MACROD2: variants seen among roughly 807,000 people sequenced by gnomAD.
The protein encoded by MACROD2 is mono-ADP ribosylhydrolase 2.
In MACROD2, 36 loss-of-function variants were observed where a neutral mutation model predicts 70.4. The observed-to-expected ratio is 0.51, with a 90% confidence interval of 0.39 to 0.68. MACROD2 has a LOEUF of 0.68. Ranked by LOEUF, MACROD2 falls within the 30% of genes least tolerant of loss-of-function variation. The probability of loss-of-function intolerance (pLI) is 0.00; values close to 1 mark genes in which losing one functional copy is unlikely to be tolerated. For synonymous variants in MACROD2, 172 were observed against 178.8 expected, an observed-to-expected ratio of 0.96 and a Z score of 0.30; for missense variants, 496 against 538.4, an observed-to-expected ratio of 0.92 and a Z score of 0.78.
intron 7 of MACROD2, among the ~76,000 whole-genome samples, chr20:15,464,992 C>T (rs989448513): frequency 1.3e-5 from 2 of 152,128 alleles, no homozygotes; most frequent in African/African-American, 2.4e-5. Context: ...TTTTTTTACT[C>T]TCTTTCTACC....
intron 8 of MACROD2, among the ~76,000 whole-genome samples, chr20:15,616,292 C>A (rs1744314440): frequency 6.6e-6 from 1 of 151,890 alleles, no homozygotes; most frequent in South Asian, 2.1e-4. Context: ...TTAGTAGAGA[C>A]AGGGTTTTGC....
intron 2 of MACROD2, among the ~76,000 whole-genome samples, chr20:14,064,981 TGTTTAA>T (rs2053738849): frequency 6.6e-6 from 1 of 152,250 alleles, no homozygotes; most frequent in Non-Finnish European, 1.5e-5. Flanking sequence ...GGTATTTTAC[TGTTTAA>T]GTTTACATAC....
intron 7 of MACROD2, among the ~76,000 whole-genome samples, chr20:15,482,833 T>C (rs1416150132): frequency 1.3e-5 from 2 of 152,214 alleles, no homozygotes; most frequent in African/African-American, 4.8e-5. Flanking sequence ...GTTGAGCATC[T>C]TTACATATGC....
At chr20:14,082,053 C>G (rs2054001595) in intron 2 of MACROD2, among the ~76,000 whole-genome samples, 1 of 152,018 alleles carries the variant, frequency 6.6e-6, no homozygotes, top group African/African-American at 2.4e-5. Flanking sequence ...ACCTCCACTT[C>G]AGTCTCAAAA....
intron 2 of MACROD2, chr20:14,051,928 T>G (rs745490200): frequency 2.1e-5 from 11 of 517,864 alleles, no homozygotes; most frequent in Middle Eastern, 3.2e-4. Flanking sequence ...TCAGGATGCA[T>G]CTCTCATGGT....
intron 4 of MACROD2, among the ~76,000 whole-genome samples, chr20:14,625,504 G>A (rs750746042): frequency 8.5e-5 from 13 of 152,052 alleles, no homozygotes; most frequent in East Asian, 3.9e-4. Context: ...GAAAATGACC[G>A]TAGTCATTGG....
intron 3 of MACROD2, among the ~76,000 whole-genome samples, chr20:14,106,396 G>T (rs1169301142): frequency 6.6e-6 from 1 of 152,182 alleles, no homozygotes; most frequent in Admixed American, 6.5e-5. Flanking sequence ...ATTGGTGTTG[G>T]GGTGGGACCT....
intron 8 of MACROD2, among the ~76,000 whole-genome samples, chr20:15,806,868 A>G (rs2063774023): frequency 6.6e-6 from 1 of 152,138 alleles, no homozygotes; most frequent in African/African-American, 2.4e-5. Context: ...TTGAAAGGAG[A>G]CGTTTAGGAA....
At chr20:15,774,484 C>A (rs2051688163) in intron 8 of MACROD2, among the ~76,000 whole-genome samples, 1 of 152,118 alleles carries the variant, frequency 6.6e-6, no homozygotes, top group African/African-American at 2.4e-5. Context: ...TACTTCTGAA[C>A]ACTTTCTAGA....
chr20:14,477,598 T>A (rs2084611781), intron 3 of MACROD2, among the ~76,000 whole-genome samples: 1 of 152,164 alleles, frequency 6.6e-6, no homozygotes, highest in Non-Finnish European at 1.5e-5. Context: ...AAAAATTGTT[T>A]TCAGAATGAT....
chr20:14,206,029 C>T (rs2081519929), intron 3 of MACROD2, among the ~76,000 whole-genome samples: 1 of 152,036 alleles, frequency 6.6e-6, no homozygotes, highest in African/African-American at 2.4e-5. Flanking sequence ...AAAAGGTAAT[C>T]TGTGTAATGT....
At chr20:14,789,664 C>T (rs1044884362) in intron 5 of MACROD2, among the ~76,000 whole-genome samples, 6 of 150,908 alleles carry the variant, frequency 4.0e-5, no homozygotes, top group African/African-American at 7.3e-5. Context: ...TTAGTAGAAG[C>T]GAGGTTTCAC....
chr20:14,402,109 A>AGTGTAT (rs1031373811), intron 3 of MACROD2, among the ~76,000 whole-genome samples: 11 of 152,096 alleles, frequency 7.2e-5, no homozygotes, highest in African/African-American at 2.2e-4. Context: ...TTCAATTATA[A>AGTGTAT]GTGTATGTGT....
At chr20:15,007,388 A>C (rs541653705) in intron 5 of MACROD2, among the ~76,000 whole-genome samples, 2 of 150,566 alleles carry the variant, frequency 1.3e-5, no homozygotes, top group Admixed American at 1.3e-4. Context: ...ACAAAAAAAA[A>C]ACACAAAAAA....
At position 15,670,305 on chromosome 20, in the gene MACROD2, G is replaced by A. The variant is rs552638499; in HGVS notation, c.645+170458G>A. 2.7e-4 allele frequency among the ~76,000 whole-genome samples: 41 copies of A among 152,250 alleles called. 1 individual carries two copies. Among genetic ancestry groups the A allele is most frequent in the African/African-American group, 8.9e-4 (37 of 41,552 alleles). On this transcript the variant is annotated intron_variant, in intron 8 of 17. Transcript: ENST00000684519. ...TTCTGGCTGGCACGACATTGTCCCC[G>A]ACTAATGCTAGGATGGTGTTGTCAA... is the stretch of plus-strand genomic sequence containing the variant.
At chr20:14,700,119 C>G (rs893885083) in intron 5 of MACROD2, among the ~76,000 whole-genome samples, 1 of 151,586 alleles carries the variant, frequency 6.6e-6, no homozygotes, top group Non-Finnish European at 1.5e-5. Flanking sequence ...AATTTTAAAT[C>G]TAGAAGTTTA....
intron 5 of MACROD2, among the ~76,000 whole-genome samples, chr20:14,704,882 G>A (rs59765435): frequency 0.27 from 40,396 of 151,946 alleles, 5,566 homozygotes; most frequent in East Asian, 0.36. Context: ...GGCAGGGGCT[G>A]GCTTTTGAGA....
intron 8 of MACROD2, among the ~76,000 whole-genome samples, chr20:15,751,591 G>T (rs962770744): frequency 4.6e-5 from 7 of 151,674 alleles, no homozygotes; most frequent in African/African-American, 1.4e-4. Context: ...TTCTAAGAAT[G>T]CCCTAATATT....
chr20:14,205,883 A>G (rs1297302821), intron 3 of MACROD2, among the ~76,000 whole-genome samples: 1 of 152,220 alleles, frequency 6.6e-6, no homozygotes, highest in Admixed American at 6.5e-5. Flanking sequence ...AAAGCCTTCT[A>G]ATTCTTTTAT....
Sources: gnomAD v4.1 joint callset for allele counts (sites outside exome capture counted in the v4.1 genomes callset) on GRCh38, gnomAD v4.1.1 for gene constraint, MANE v1.5 for transcripts, NCBI Gene and HGNC (gene_info 2026-07-23, HGNC 2026-07-21) for gene names.